The following POU6F2 variants were observed in gnomAD, a reference collection of about 807,000 sequenced individuals.
The protein encoded by POU6F2 is POU domain, class 6, transcription factor 2.
A neutral mutation model predicts 71.3 loss-of-function variants in POU6F2; 31 were observed. That is an observed-to-expected ratio of 0.43 (90% CI 0.33 to 0.59). The LOEUF (loss-of-function observed/expected upper bound fraction) is 0.59, where lower values mean the gene tolerates loss of function less well. Ranked by LOEUF, POU6F2 falls within the 20% of genes least tolerant of loss-of-function variation. The probability of loss-of-function intolerance (pLI) is 0.04; values close to 1 mark genes in which losing one functional copy is unlikely to be tolerated. For synonymous variants in POU6F2, 347 were observed against 355.7 expected (o/e 0.98, Z 0.27); for missense variants, 783 against 856.8 (o/e 0.91, Z 1.07).
intron 7 of POU6F2, among the ~76,000 whole-genome samples, chr7:39,434,541 T>A (rs1431647735): frequency 6.6e-6 from 1 of 151,958 alleles, no homozygotes; most frequent in Non-Finnish European, 1.5e-5. Context: ...ATGATGATGA[T>A]GATGGTGATG....
intron 4 of POU6F2, chr7:39,329,185 A>G (rs1473002316): frequency 6.7e-6 from 1 of 150,246 alleles, no homozygotes; most frequent in Non-Finnish European, 1.5e-5. Context: ...TATACATAAC[A>G]TTGTAAATCT....
chr7:38,993,418 A>G (rs919151424), intron 1 of POU6F2, among the ~76,000 whole-genome samples: 5 of 152,150 alleles, frequency 3.3e-5, no homozygotes, highest in African/African-American at 9.7e-5. Flanking sequence ...TTCAAGTTTT[A>G]AATTAGGATT....
chr7:39,385,347 G>A lies in POU6F2; in HGVS notation c.973-21253G>A, dbSNP rs141325265. Among the ~76,000 whole-genome samples, 465 of 152,242 alleles carry A rather than the reference G, an allele frequency of 3.1e-3. 3 individuals carry two copies. The highest frequency in any genetic ancestry group is 0.011 in the African/African-American group (446 of 41,540). On this transcript the variant is annotated intron_variant, in intron 5 of 9. Coordinates refer to ENST00000518318, the MANE Select transcript of POU6F2 (RefSeq NM_001370959.1). ...CATTGCTTGCCTAACAAGGCATTGC[G>A]TTCAGCACCAGGGGCAGAGGGAGGA... is the stretch of plus-strand genomic sequence containing the variant.
intron 4 of POU6F2, among the ~76,000 whole-genome samples, chr7:39,328,259 T>C (rs1183673724): frequency 6.6e-6 from 1 of 152,228 alleles, no homozygotes; most frequent in Non-Finnish European, 1.5e-5. Flanking sequence ...GCCATTAATA[T>C]TCTAATGCTC....
intron 1 of POU6F2, among the ~76,000 whole-genome samples, chr7:39,032,270 A>G (rs1171714570): frequency 1.3e-5 from 2 of 152,202 alleles, no homozygotes; most frequent in Non-Finnish European, 2.9e-5. Flanking sequence ...GACTATAACC[A>G]CAGTGAGTCC....
chr7:39,349,965 C>G (rs541390627), intron 5 of POU6F2, among the ~76,000 whole-genome samples: 2 of 152,144 alleles, frequency 1.3e-5, no homozygotes, highest in Non-Finnish European at 2.9e-5. Flanking sequence ...GGTAGGGATG[C>G]CTTCATGGCC....
intron 1 of POU6F2, among the ~76,000 whole-genome samples, chr7:38,993,526 T>G (rs1421071108): frequency 9.0e-6 from 1 of 111,542 alleles, no homozygotes; most frequent in East Asian, 1.9e-4. Flanking sequence ...TTTAAGTTTA[T>G]GATTCCAGAA....
intron 4 of POU6F2, among the ~76,000 whole-genome samples, chr7:39,272,531 T>G (rs1316852735): frequency 3.3e-5 from 5 of 152,208 alleles, no homozygotes; most frequent in Non-Finnish European, 7.3e-5. Context: ...AAAACACCTA[T>G]TTAGCTCAAC....
chr7:39,085,476 C>G (rs964390210), intron 1 of POU6F2, among the ~76,000 whole-genome samples: 1 of 151,830 alleles, frequency 6.6e-6, no homozygotes, highest in African/African-American at 2.4e-5. Flanking sequence ...CCAGCACTTT[C>G]TTTTTTCTTA....
chr7:39,457,781 G>A (rs1043335417), intron 8 of POU6F2, among the ~76,000 whole-genome samples: 10 of 152,128 alleles, frequency 6.6e-5, no homozygotes, highest in Non-Finnish European at 2.9e-5. Context: ...TACATGGAAC[G>A]TCTCCAGCTT....
At chr7:39,366,582 A>T (rs981337704) in intron 5 of POU6F2, among the ~76,000 whole-genome samples, 5 of 152,124 alleles carry the variant, frequency 3.3e-5, no homozygotes, top group African/African-American at 9.7e-5. Flanking sequence ...AGCAAGCAAG[A>T]TCCCCTCCTA....
At position 39,322,130 on chromosome 7, in the gene POU6F2, C is replaced by T. The variant is rs890235329; in HGVS notation, c.599-17512C>T. On this transcript the variant is annotated intron_variant, in intron 4 of 9. Transcript: ENST00000518318. ...GAAGGGATCTTTGTGTTGCTTTACC[C>T]GTCCTATTAGCGAATCTGTGCTCAT... Among the ~76,000 whole-genome samples the T allele has an allele frequency of 7.9e-5, 12 of 152,272 alleles. No homozygotes were observed. The South Asian group carries it at 1.0e-3, about 13-fold the overall frequency.
At chr7:39,239,047 G>A (rs1026260668) in intron 4 of POU6F2, among the ~76,000 whole-genome samples, 1 of 152,116 alleles carries the variant, frequency 6.6e-6, no homozygotes, top group African/African-American at 2.4e-5. Context: ...CCATTACTTA[G>A]CACAAGATGG....
chr7:39,121,827 T>C (rs1262145677), intron 2 of POU6F2, among the ~76,000 whole-genome samples: 1 of 152,182 alleles, frequency 6.6e-6, no homozygotes, highest in Non-Finnish European at 1.5e-5. Flanking sequence ...GCCTCTCTAG[T>C]AGCTGAGACT....
Position 39,313,065 on chromosome 7 carries a change from G to C in POU6F2, c.599-26577G>C, listed in dbSNP as rs559946940. On this transcript the variant is annotated intron_variant, in intron 4 of 9. Transcript: ENST00000518318. ...ATTGAAAATCCACTCAGCAAACAGAGGAGTGGAGAATCCACCTCACTCAGA... is the reference window on the plus strand; with the variant it reads ...ATTGAAAATCCACTCAGCAAACAGACGAGTGGAGAATCCACCTCACTCAGA... 1.2e-4 allele frequency among the ~76,000 whole-genome samples: 19 copies of C among 152,288 alleles called. No individual in the cohort carries two copies. In the South Asian group the frequency reaches 3.9e-3, roughly 32 times the overall value.
intron 1 of POU6F2, among the ~76,000 whole-genome samples, chr7:39,002,851 G>C (rs859552): frequency 0.21 from 31,171 of 152,032 alleles, 3,427 homozygotes; most frequent in Middle Eastern, 0.29. Flanking sequence ...TCCTCCCTCT[G>C]CTGCCAAAAT....
At chr7:39,174,565 G>A (rs1314629696) in intron 2 of POU6F2, among the ~76,000 whole-genome samples, 2 of 152,074 alleles carry the variant, frequency 1.3e-5, no homozygotes, top group African/African-American at 2.4e-5. Flanking sequence ...TGTTCCAAGA[G>A]GTATCCTATC....
At chr7:39,055,504 C>A (rs576528683) in intron 1 of POU6F2, among the ~76,000 whole-genome samples, 131 of 152,254 alleles carry the variant, frequency 8.6e-4, no homozygotes, top group Non-Finnish European at 1.6e-3. Context: ...GAATATTAAA[C>A]AAATAATGTT....
At chr7:39,340,555 A>G (rs911006551) in intron 5 of POU6F2, among the ~76,000 whole-genome samples, 5 of 152,122 alleles carry the variant, frequency 3.3e-5, no homozygotes, top group African/African-American at 9.7e-5. Flanking sequence ...CCAGATTCCA[A>G]CCATTACTCC....
Sources: gnomAD v4.1 joint callset for allele counts (sites outside exome capture counted in the v4.1 genomes callset) on GRCh38, gnomAD v4.1.1 for gene constraint, MANE v1.5 for transcripts, NCBI Gene and HGNC (gene_info 2026-07-23, HGNC 2026-07-21) for gene names.